Variants in PDE3B observed in about 807,000 individuals in gnomAD.
The protein encoded by PDE3B is cGMP-inhibited 3',5'-cyclic phosphodiesterase 3B.
In PDE3B, 66 loss-of-function variants were observed where a neutral mutation model predicts 116.8. The observed-to-expected ratio is 0.56, with a 90% CI of 0.46 to 0.69. The LOEUF (loss-of-function observed/expected upper bound fraction) is 0.69. Among genes scored for constraint, PDE3B ranks in the 30% least tolerant of loss-of-function variants. PDE3B has a pLI of 0.00. For synonymous variants in PDE3B, 595 were observed against 533.6 expected (o/e 1.12, Z -1.59); for missense variants, 1,384 against 1,368.1 (o/e 1.01, Z -0.18).
At chr11:14,718,659 T>C (rs1208847873) in intron 1 of PDE3B, among the ~76,000 whole-genome samples, 9 of 150,368 alleles carry the variant, frequency 6.0e-5, no homozygotes, top group Non-Finnish European at 3.0e-5. Flanking sequence ...AACAACCTGC[T>C]CCTGAATGAC....
rs1221490482 is a variant in PDE3B at position 14,645,009 on chromosome 11, A to C, written c.934A>C (p.Lys312Gln). The change falls in exon 1 of 16, where the codon AAA becomes CAA. Residue 312 changes from lysine to glutamine, a missense_variant. Lys to Gln is a moderately conservative substitution (Grantham distance 53, BLOSUM62 1). Coordinates refer to ENST00000282096, the MANE Select transcript of PDE3B (RefSeq NM_000922.4). ...ETAASYYGSC[K>Q]IFRRPSLPCI... ...TGCAGCCAGTTACTATGGCAGTTGC[A>C]AAATATTCAGGAGACCGTCGTTGCC... is the stretch of plus-strand genomic sequence containing the variant. The C allele has an allele frequency of 1.2e-6, 2 of 1,613,388 alleles. No individual in the cohort carries two copies.
intron 1 of PDE3B, among the ~76,000 whole-genome samples, chr11:14,668,248 A>G (rs1381631134): frequency 6.6e-6 from 1 of 152,130 alleles, no homozygotes; most frequent in Non-Finnish European, 1.5e-5. Context: ...TGGTACTTAG[A>G]GCCAAGAAAT....
intron 1 of PDE3B, among the ~76,000 whole-genome samples, chr11:14,756,454 A>G (rs538715889): frequency 4.8e-4 from 73 of 152,302 alleles, no homozygotes; most frequent in African/African-American, 1.7e-3. Context: ...GAGGAATCCA[A>G]CTACTGTCAA....
intron 11 of PDE3B, among the ~76,000 whole-genome samples, chr11:14,839,434 A>T (rs192960777): frequency 1.3e-5 from 2 of 152,342 alleles, no homozygotes; most frequent in South Asian, 4.1e-4. Flanking sequence ...ATTGCTGTTC[A>T]ACTTAATTAT....
chr11:14,797,095 T>C (rs1858580232), intron 4 of PDE3B, among the ~76,000 whole-genome samples: 1 of 152,224 alleles, frequency 6.6e-6, no homozygotes, highest in Non-Finnish European at 1.5e-5. Context: ...TAGCCAGTTT[T>C]CCCAACACCA....
At chr11:14,653,153 G>T (rs1421039435) in intron 1 of PDE3B, among the ~76,000 whole-genome samples, 2 of 151,982 alleles carry the variant, frequency 1.3e-5, no homozygotes, top group Non-Finnish European at 2.9e-5. Context: ...GAATTTGTTT[G>T]TTCTAATGGT....
intron 4 of PDE3B, among the ~76,000 whole-genome samples, chr11:14,802,202 A>C (rs1948344452): frequency 6.6e-6 from 1 of 152,144 alleles, no homozygotes; most frequent in South Asian, 2.1e-4. Context: ...ACAACAACAA[A>C]AAAAACTCTT....
chr11:14,887,515 G>T, the PDE3B span: 1 of 814,860 alleles, frequency 1.2e-6, no homozygotes, highest in Non-Finnish European at 1.5e-6. Context: ...TCTATGGAAG[G>T]GTACAAGATT....
At chr11:14,668,321 A>T (rs1043016448) in intron 1 of PDE3B, among the ~76,000 whole-genome samples, 1 of 152,160 alleles carries the variant, frequency 6.6e-6, no homozygotes, top group African/African-American at 2.4e-5. Context: ...ATCTAAGGAC[A>T]CTTGGTTCTT....
At chr11:14,712,568 A>G (rs1045441469) in intron 1 of PDE3B, among the ~76,000 whole-genome samples, 2 of 138,910 alleles carry the variant, frequency 1.4e-5, no homozygotes, top group African/African-American at 5.5e-5. Context: ...TCCGCCTCGC[A>G]GGTTCAAGTG....
At chr11:14,732,727 C>T (rs1209643287) in intron 1 of PDE3B, among the ~76,000 whole-genome samples, 2 of 152,146 alleles carry the variant, frequency 1.3e-5, no homozygotes, top group Admixed American at 6.5e-5. Context: ...CTACATTAGA[C>T]CCTGCAGAAC....
intron 1 of PDE3B, among the ~76,000 whole-genome samples, chr11:14,675,690 G>C (rs1040460489): frequency 3.3e-5 from 5 of 152,008 alleles, no homozygotes; most frequent in African/African-American, 1.2e-4. Flanking sequence ...TTGTATATCA[G>C]TCGTGAATAT....
At chr11:14,723,135 A>T (rs527365509) in intron 1 of PDE3B, among the ~76,000 whole-genome samples, 1 of 152,358 alleles carries the variant, frequency 6.6e-6, no homozygotes, top group East Asian at 1.9e-4. Context: ...TAAGCATGTT[A>T]TGGACATTGT....
At chr11:14,844,921 C>G (rs552515924) in intron 12 of PDE3B, among the ~76,000 whole-genome samples, 2 of 152,352 alleles carry the variant, frequency 1.3e-5, no homozygotes, top group East Asian at 1.9e-4. Flanking sequence ...CACAGACAAA[C>G]AAAAAGACAG....
rs140508329 is a variant in PDE3B, at chr11:14,734,484, C to G, written c.979-37453C>G. The stretch of plus-strand genomic sequence containing the variant: ...TTTGCAGTAGTGACACTTTTTCTTT[C>G]TTTTCAATCTAAGATTTTGCTTTTT... On this transcript the variant is annotated intron_variant, in intron 1 of 15. Transcript: ENST00000282096. Among the ~76,000 whole-genome samples the G allele has an allele frequency of 5.0e-3, 756 of 152,256 alleles. 7 individuals are homozygous for G. The highest frequency in any genetic ancestry group is 0.018 in the African/African-American group (729 of 41,554).
intron 2 of PDE3B, among the ~76,000 whole-genome samples, chr11:14,778,031 C>T (rs1366937997): frequency 6.6e-6 from 1 of 152,202 alleles, no homozygotes; most frequent in Non-Finnish European, 1.5e-5. Context: ...CTGTGCCTGG[C>T]TCGGGGGGTT....
At chr11:14,714,457 T>A (rs1855811756) in intron 1 of PDE3B, among the ~76,000 whole-genome samples, 1 of 151,610 alleles carries the variant, frequency 6.6e-6, no homozygotes, top group African/African-American at 2.4e-5. Flanking sequence ...GGAGGATCAT[T>A]TGAGCCTGGG....
intron 1 of PDE3B, among the ~76,000 whole-genome samples, chr11:14,658,492 A>G (rs1191014777): frequency 1.3e-5 from 2 of 152,052 alleles, no homozygotes; most frequent in African/African-American, 4.8e-5. Context: ...AGTAGCTGGG[A>G]TTACAGGCAT....
chr11:14,832,822 G>A lies in PDE3B; in HGVS notation c.2195G>A (p.Arg732Gln). Residue 732 changes from arginine (R) to glutamine (Q), a missense_variant, in exon 10 of 16, where the codon CGA becomes CAA. This residue lies in a region of PDE3B where 428 missense variants were observed against 561.4 expected (regional missense o/e 0.76). Coordinates refer to ENST00000282096, the MANE Select transcript of PDE3B (RefSeq NM_000922.4). ...NYFRALENGY[R>Q]DIPYHNRIHA... ...TTTCGTGCATTAGAAAATGGCTATC[G>A]AGACATTCCTTGTAAGTATTAACAT... 7.2e-7 allele frequency: 1 copy of A among 1,391,852 alleles called. No individual in the cohort carries two copies. The highest frequency in any genetic ancestry group is 1.2e-5 in the South Asian group (1 of 80,364). The allele number at this position is 1,391,852 out of a possible 1,614,324, so 86.2% of individuals were successfully genotyped here.
Sources: allele counts gnomAD v4.1 joint callset (sites outside exome capture counted in the v4.1 genomes callset), GRCh38; gene constraint gnomAD v4.1.1; regional missense constraint gnomAD v4.1.1; transcripts MANE v1.5; gene names NCBI Gene and HGNC (gene_info 2026-07-23, HGNC 2026-07-21).